Variants in AIG1 observed in about 807,000 individuals in gnomAD.
AIG1 encodes the protein androgen induced 1.
Under a neutral mutation model 31.4 loss-of-function variants are expected in AIG1, and 23 were observed. The observed-to-expected ratio is 0.73, with a 90% confidence interval of 0.53 to 1.04. AIG1 has a LOEUF of 1.04. AIG1 is among the 50% of genes least tolerant of loss of function. The probability of loss-of-function intolerance (pLI) is 0.00; values close to 1 mark genes in which losing one functional copy is unlikely to be tolerated. For missense variants in AIG1, 274 were observed against 295.0 expected, an observed-to-expected ratio of 0.93 and a Z score of 0.52; for synonymous variants, 100 against 110.5, an observed-to-expected ratio of 0.90 and a Z score of 0.60.
intron 1 of AIG1, chr6:143,126,336 A>G (rs1782685083): frequency 6.6e-6 from 1 of 152,190 alleles, no homozygotes; most frequent in Non-Finnish European, 1.5e-5. Context: ...TGGTTGTAGA[A>G]TTGCTACCGG....
intron 4 of AIG1, among the ~76,000 whole-genome samples, chr6:143,321,727 T>A (rs979999042): frequency 6.6e-6 from 1 of 152,218 alleles, no homozygotes; most frequent in Non-Finnish European, 1.5e-5. Flanking sequence ...TCTGCTTTTT[T>A]AATATAAACA....
chr6:143,196,018 C>G (rs1481759652), intron 3 of AIG1, among the ~76,000 whole-genome samples: 1 of 152,210 alleles, frequency 6.6e-6, no homozygotes, highest in Non-Finnish European at 1.5e-5. Flanking sequence ...GGCCTTGGCT[C>G]CTTCTGACCT....
At chr6:143,262,388 T>C (rs1172173572) in intron 3 of AIG1, among the ~76,000 whole-genome samples, 1 of 152,190 alleles carries the variant, frequency 6.6e-6, no homozygotes, top group Non-Finnish European at 1.5e-5. Context: ...AACTCTAACA[T>C]ACAGCTCTGC....
intron 3 of AIG1, chr6:143,188,340 G>A (rs180709209): frequency 5.1e-6 from 5 of 985,478 alleles, no homozygotes; most frequent in East Asian, 1.1e-4. Context: ...TTTACTGAGC[G>A]ATGTATTTAT....
chr6:143,153,318 C>G (rs1785423141), intron 2 of AIG1, among the ~76,000 whole-genome samples: 1 of 152,056 alleles, frequency 6.6e-6, no homozygotes, highest in South Asian at 2.1e-4. Flanking sequence ...TCAAATAATC[C>G]TGGTTGAAAT....
intron 4 of AIG1, among the ~76,000 whole-genome samples, chr6:143,290,985 T>G (rs535968230): frequency 2.6e-5 from 4 of 152,220 alleles, no homozygotes; most frequent in Middle Eastern, 3.4e-3. Context: ...GTCTTGAGTT[T>G]TGGATCTAGG....
At chr6:143,300,202 A>G (rs913297927) in intron 4 of AIG1, among the ~76,000 whole-genome samples, 8 of 152,206 alleles carry the variant, frequency 5.3e-5, no homozygotes, top group Non-Finnish European at 1.2e-4. Flanking sequence ...ATGTCACTCC[A>G]ACACATTGGC....
At chr6:143,265,661 G>A (rs1488231748) in intron 3 of AIG1, among the ~76,000 whole-genome samples, 2 of 152,304 alleles carry the variant, frequency 1.3e-5, no homozygotes, top group South Asian at 4.1e-4. Context: ...TGCAATTTAA[G>A]TTTGGCAAGA....
At chr6:143,107,569 A>T (rs959338724) in intron 1 of AIG1, among the ~76,000 whole-genome samples, 1 of 152,202 alleles carries the variant, frequency 6.6e-6, no homozygotes, top group African/African-American at 2.4e-5. Context: ...AAAATATGCC[A>T]ACTGGCTATA....
intron 3 of AIG1, among the ~76,000 whole-genome samples, chr6:143,196,571 A>T (rs1365768777): frequency 6.6e-6 from 1 of 152,216 alleles, no homozygotes; most frequent in Non-Finnish European, 1.5e-5. Context: ...TACTTTATCT[A>T]AAGAGATGAA....
chr6:143,221,792 A>G (rs1374216316), intron 3 of AIG1, among the ~76,000 whole-genome samples: 2 of 152,170 alleles, frequency 1.3e-5, no homozygotes, highest in African/African-American at 4.8e-5. Flanking sequence ...AGTGCCTCGG[A>G]GAGACTTAAC....
chr6:143,333,153 A>G lies in AIG1; in HGVS notation c.516-129A>G. On this transcript the variant is annotated intron_variant, in intron 4 of 5. Coordinates refer to ENST00000357847, the MANE Select transcript of AIG1 (RefSeq NM_016108.4). This position sits in a 1 kb window ranked among gnomAD's most constrained non-coding sequence, Gnocchi z 4.6. ...GTTTCCAGTAGCTCCTGAGTATCAG[A>G]AGCGAACTTGAGACTGGCAAATGCT... The G allele has an allele frequency of 1.1e-6, 1 of 884,422 alleles. No homozygotes were observed. The highest frequency in any genetic ancestry group is 1.6e-6 in the Non-Finnish European group (1 of 613,380). 54.8% of individuals were successfully genotyped at this position (884,422 alleles called of 1,614,324 possible). A position where few individuals can be genotyped will look rare whatever the true frequency, so the allele number is the denominator to read the frequency against.
At chr6:143,322,237 A>G (rs541400117) in intron 4 of AIG1, among the ~76,000 whole-genome samples, 1 of 152,316 alleles carries the variant, frequency 6.6e-6, no homozygotes, top group Admixed American at 6.5e-5. Flanking sequence ...TGTTTGCAGT[A>G]CCAAAAATAA....
intron 3 of AIG1, among the ~76,000 whole-genome samples, chr6:143,267,481 C>A (rs944991948): frequency 6.6e-6 from 1 of 152,190 alleles, no homozygotes; most frequent in African/African-American, 2.4e-5. Context: ...CCCCAGTAAT[C>A]CAGGAACTGG....
chr6:143,335,120 G>T, intron 5 of AIG1: 1 of 1,428,036 alleles, frequency 7.0e-7, no homozygotes, highest in Non-Finnish European at 9.2e-7. Flanking sequence ...TTTGTGCCAA[G>T]TAAGTATCAT....
chr6:143,160,054 A>G (rs1423183760), intron 2 of AIG1, among the ~76,000 whole-genome samples: 1 of 152,216 alleles, frequency 6.6e-6, no homozygotes, highest in Non-Finnish European at 1.5e-5. Context: ...CAGAATATAT[A>G]TAGGATTTTA....
chr6:143,168,374 A>G (rs1787165582), intron 3 of AIG1, among the ~76,000 whole-genome samples: 1 of 151,562 alleles, frequency 6.6e-6, no homozygotes, highest in African/African-American at 2.4e-5. Context: ...TTCATTTAAC[A>G]TTAGGTATAT....
intron 3 of AIG1, among the ~76,000 whole-genome samples, chr6:143,260,915 G>A (rs1019247084): frequency 3.3e-5 from 5 of 151,696 alleles, no homozygotes; most frequent in African/African-American, 1.2e-4. Context: ...TCACCCCCCC[G>A]CCATCCCTTT....
At chr6:143,132,622 G>T (rs370621723) in intron 1 of AIG1, among the ~76,000 whole-genome samples, 2 of 151,480 alleles carry the variant, frequency 1.3e-5, no homozygotes, top group Non-Finnish European at 2.9e-5. Flanking sequence ...AGAAAACTTC[G>T]AAAAACTTCA....
Sources: gnomAD v4.1 joint callset for allele counts (sites outside exome capture counted in the v4.1 genomes callset) on GRCh38, gnomAD v4.1.1 for gene constraint, Gnocchi (gnomAD v3.1) non-coding constraint, MANE v1.5 for transcripts, NCBI Gene and HGNC (gene_info 2026-07-23, HGNC 2026-07-21) for gene names.